The following GALNTL6 variants were observed in gnomAD, a reference collection of about 807,000 sequenced individuals.
The protein encoded by GALNTL6 is polypeptide N-acetylgalactosaminyltransferase-like 6.
A neutral mutation model predicts 73.7 loss-of-function variants in GALNTL6; 46 were observed. The ratio of observed to expected loss-of-function variants is 0.62; its 90% CI spans 0.49 to 0.80. The LOEUF (loss-of-function observed/expected upper bound fraction) is 0.80, where lower values mean the gene tolerates loss of function less well. Ranked by LOEUF, GALNTL6 falls within the 30% of genes least tolerant of loss-of-function variation. The pLI, the probability that GALNTL6 is intolerant of heterozygous loss-of-function variation, is 0.00. For synonymous variants in GALNTL6, 259 were observed against 263.7 expected, an observed-to-expected ratio of 0.98 and a Z score of 0.17; for missense variants, 604 against 755.0, an observed-to-expected ratio of 0.80 and a Z score of 2.34.
At chr4:172,500,629 G>GA (rs532696688) in intron 5 of GALNTL6, among the ~76,000 whole-genome samples, 22 of 147,406 alleles carry the variant, frequency 1.5e-4, no homozygotes, top group African/African-American at 3.2e-4. Context: ...TAATGTTCAG[G>GA]AAAAAAAAAT....
intron 5 of GALNTL6, among the ~76,000 whole-genome samples, chr4:172,503,883 A>ATTCT (rs1415795499): frequency 3.4e-4 from 3 of 8,796 alleles, no homozygotes; most frequent in Non-Finnish European, 6.9e-4. Flanking sequence ...GTCCAAGCAC[A>ATTCT]GATCACGCCT....
chr4:172,395,756 T>C (rs1361974388), intron 5 of GALNTL6, among the ~76,000 whole-genome samples: 2 of 152,118 alleles, frequency 1.3e-5, no homozygotes, highest in African/African-American at 4.8e-5. Flanking sequence ...GGAGAGTAAA[T>C]AGCAAAGTTT....
At chr4:172,491,418 G>A (rs911187856) in intron 5 of GALNTL6, among the ~76,000 whole-genome samples, 1 of 152,006 alleles carries the variant, frequency 6.6e-6, no homozygotes, top group East Asian at 1.9e-4. Context: ...ATGACTAGTT[G>A]TGGTTTCTTT....
intron 5 of GALNTL6, among the ~76,000 whole-genome samples, chr4:172,432,740 C>A (rs557912729): frequency 1.0e-3 from 158 of 151,882 alleles, no homozygotes; most frequent in African/African-American, 3.7e-3. Flanking sequence ...TTTTAAAAAT[C>A]TGGTCACAAA....
intron 2 of GALNTL6, among the ~76,000 whole-genome samples, chr4:171,997,499 A>G (rs902666613): frequency 1.3e-5 from 2 of 152,076 alleles, no homozygotes; most frequent in Admixed American, 6.6e-5. Context: ...GAGCACTCAT[A>G]TTAGCCTACT....
At chr4:172,209,436 C>A (rs1200288617) in intron 2 of GALNTL6, among the ~76,000 whole-genome samples, 2 of 101,390 alleles carry the variant, frequency 2.0e-5, no homozygotes, top group African/African-American at 3.3e-5. Flanking sequence ...GACCCAGGGT[C>A]TCTGGTCAAA....
chr4:171,910,674 T>C (rs925942077), intron 2 of GALNTL6, among the ~76,000 whole-genome samples: 3 of 152,094 alleles, frequency 2.0e-5, no homozygotes, highest in Non-Finnish European at 4.4e-5. Flanking sequence ...GAATACAAGC[T>C]GGAACAAACA....
intron 5 of GALNTL6, among the ~76,000 whole-genome samples, chr4:172,613,120 G>C (rs1487839754): frequency 6.6e-6 from 1 of 152,106 alleles, no homozygotes; most frequent in Non-Finnish European, 1.5e-5. Flanking sequence ...AGGTAGATAA[G>C]GCCTCAGCCT....
At chr4:172,692,591 A>G (rs1356268307) in intron 5 of GALNTL6, among the ~76,000 whole-genome samples, 3 of 152,136 alleles carry the variant, frequency 2.0e-5, no homozygotes, top group Non-Finnish European at 4.4e-5. Context: ...AGTTCAAATT[A>G]TTTTTTAAAC....
intron 5 of GALNTL6, among the ~76,000 whole-genome samples, chr4:172,437,036 A>G (rs1239261843): frequency 1.3e-5 from 2 of 152,166 alleles, no homozygotes; most frequent in East Asian, 3.9e-4. Flanking sequence ...ATATATATAA[A>G]CACTTGTGAG....
intron 2 of GALNTL6, among the ~76,000 whole-genome samples, chr4:171,895,122 C>T (rs1736871492): frequency 6.6e-6 from 1 of 152,142 alleles, no homozygotes; most frequent in African/African-American, 2.4e-5. Flanking sequence ...TACATGAGCT[C>T]CAACTAGACA....
chr4:172,479,740 ATG>A (rs947424606), intron 5 of GALNTL6, among the ~76,000 whole-genome samples: 4 of 152,246 alleles, frequency 2.6e-5, no homozygotes, highest in Non-Finnish European at 5.9e-5. Context: ...TTCTCGCTTC[ATG>A]TGTTTGTCGA....
chr4:172,796,787 G>A (rs1476634701), intron 5 of GALNTL6, among the ~76,000 whole-genome samples: 2 of 148,666 alleles, frequency 1.3e-5, no homozygotes, highest in Admixed American at 6.9e-5. Context: ...TATTAAGAAC[G>A]GGGAGTTTCC....
intron 8 of GALNTL6, among the ~76,000 whole-genome samples, chr4:172,912,750 G>A (rs1184700035): frequency 6.6e-6 from 1 of 152,234 alleles, no homozygotes; most frequent in East Asian, 1.9e-4. Context: ...GCGCAGCTCA[G>A]TGAGGCCTGC....
At chr4:172,306,151 G>A (rs1346646123) in intron 3 of GALNTL6, among the ~76,000 whole-genome samples, 1 of 152,146 alleles carries the variant, frequency 6.6e-6, no homozygotes, top group Non-Finnish European at 1.5e-5. Flanking sequence ...CACTTTGAGA[G>A]GCCAAGCTGG....
intron 2 of GALNTL6, among the ~76,000 whole-genome samples, chr4:171,910,596 C>T (rs181369281): frequency 4.6e-5 from 7 of 151,660 alleles, no homozygotes; most frequent in East Asian, 1.9e-4. Flanking sequence ...GTTTATGTTA[C>T]AGTGGAAAGA....
chr4:173,001,747 A>G (rs1272914701), intron 10 of GALNTL6, among the ~76,000 whole-genome samples: 3 of 152,252 alleles, frequency 2.0e-5, no homozygotes, highest in Non-Finnish European at 4.4e-5. Context: ...ACAAATGCTC[A>G]ATAAACAAAT....
At chr4:172,767,667 C>CTTTTTTTTTTTTTTTTTTTTTTTTTATT (rs1553986523) in intron 5 of GALNTL6, among the ~76,000 whole-genome samples, 1 of 118,098 alleles carries the variant, frequency 8.5e-6, no homozygotes. Flanking sequence ...GATTTTTTTT[C>CTTTTTTTTTTTTTTTTTTTTTTTTTATT]TTTTTTTTTT....
At chr4:172,088,626 G>A (rs1471103701) in intron 2 of GALNTL6, among the ~76,000 whole-genome samples, 1 of 152,158 alleles carries the variant, frequency 6.6e-6, no homozygotes, top group East Asian at 1.9e-4. Context: ...AACAAAGTCT[G>A]GGCTCTAGGT....
Sources: allele counts gnomAD v4.1 joint callset (sites outside exome capture counted in the v4.1 genomes callset), GRCh38; gene constraint gnomAD v4.1.1; transcripts MANE v1.5; gene names NCBI Gene and HGNC (gene_info 2026-07-23, HGNC 2026-07-21).